Variants in SLC60A2 observed in about 807,000 individuals in gnomAD.
SLC60A2 encodes the protein solute carrier family 60 member 2.
chr6:111,271,028 CTT>C, the SLC60A2 span: 2 of 151,020 alleles, frequency 1.3e-5, no homozygotes, highest in Non-Finnish European at 3.0e-5. Flanking sequence ...AGAGTTATGC[CTT>C]TTTTTTCTGT....
the SLC60A2 span, chr6:111,263,928 A>G: frequency 4.3e-5 from 69 of 1,592,562 alleles, no homozygotes; most frequent in East Asian, 8.9e-5. Flanking sequence ...CGGTGTTTCA[A>G]TTGGCATTCT....
chr6:111,268,526 A>G, the SLC60A2 span: 26 of 152,314 alleles, frequency 1.7e-4, no homozygotes, highest in East Asian at 2.5e-3. Context: ...CTAATATTCT[A>G]TGTTCAAGTG....
chr6:111,265,262 C>G, the SLC60A2 span: 7 of 974,558 alleles, frequency 7.2e-6, no homozygotes, highest in Non-Finnish European at 8.5e-6. Flanking sequence ...CTGAAAATAT[C>G]TGTTGAAAAA....
the SLC60A2 span, among the ~76,000 whole-genome samples, chr6:111,271,784 A>C: frequency 3.0e-5 from 3 of 98,706 alleles, no homozygotes; most frequent in Non-Finnish European, 6.8e-5. Context: ...CTAAAAAAAA[A>C]AAAAAAAAAA....
At chr6:111,263,026 C>T in the SLC60A2 span, among the ~76,000 whole-genome samples, 5 of 152,152 alleles carry the variant, frequency 3.3e-5, no homozygotes, top group African/African-American at 1.2e-4. Flanking sequence ...CAACCTCCCC[C>T]TCCTGGGCTC....
chr6:111,263,904 A>G, the SLC60A2 span: 3 of 1,610,784 alleles, frequency 1.9e-6, no homozygotes, highest in Admixed American at 1.7e-5. Flanking sequence ...ACTCACTGTC[A>G]TGATGTCTAT....
At chr6:111,261,293 A>G in the SLC60A2 span, among the ~76,000 whole-genome samples, 1 of 152,314 alleles carries the variant, frequency 6.6e-6, no homozygotes, top group African/African-American at 2.4e-5. Context: ...TTAACAACAT[A>G]AAAAACAGGA....
chr6:111,265,836 C>G, the SLC60A2 span: 1 of 1,514,214 alleles, frequency 6.6e-7, no homozygotes, highest in South Asian at 1.3e-5. Context: ...AAGTAAGTAA[C>G]TGTTTAACTT....
chr6:111,276,299 T>C, the SLC60A2 span, among the ~76,000 whole-genome samples: 1 of 152,240 alleles, frequency 6.6e-6, no homozygotes, highest in Admixed American at 6.5e-5. Context: ...TAAGTGGAAT[T>C]GCTGGATCTT....
chr6:111,266,202 GCAAGAGCATCTGCTGA>G, the SLC60A2 span: 2 of 1,613,106 alleles, frequency 1.2e-6, no homozygotes, highest in Admixed American at 3.3e-5. Flanking sequence ...GCAAGAAAAA[GCAAGAGCATCTGCTGA>G]GACATTTCGA....
chr6:111,265,446 T>G, the SLC60A2 span: 1 of 958,470 alleles, frequency 1.0e-6, no homozygotes, highest in Non-Finnish European at 1.2e-6. Context: ...AAGTAAGTAA[T>G]TTTCCTCAAG....
At chr6:111,265,800 C>A in the SLC60A2 span, 1 of 1,262,778 alleles carries the variant, frequency 7.9e-7, no homozygotes, top group Non-Finnish European at 1.1e-6. Context: ...CACCCCCTTT[C>A]TGATAAGTGA....
At chr6:111,277,254 C>G in the SLC60A2 span, among the ~76,000 whole-genome samples, 1 of 152,202 alleles carries the variant, frequency 6.6e-6, no homozygotes, top group Non-Finnish European at 1.5e-5. Flanking sequence ...TGGCCTGGTT[C>G]ATCTGCATCA....
At chr6:111,259,805 G>C in the SLC60A2 span, 1 of 1,377,888 alleles carries the variant, frequency 7.3e-7, no homozygotes, top group African/African-American at 1.5e-5. Flanking sequence ...GACCTTGGGC[G>C]CGTTACCTAA....
the SLC60A2 span, among the ~76,000 whole-genome samples, chr6:111,264,815 ACGG>A: frequency 6.6e-6 from 1 of 150,408 alleles, no homozygotes; most frequent in African/African-American, 2.4e-5. Context: ...CTACTAAATA[ACGG>A]CGGGGTGGCT....
At chr6:111,263,760 A>G in the SLC60A2 span, 1 of 778,200 alleles carries the variant, frequency 1.3e-6, no homozygotes, top group Admixed American at 2.0e-5. Flanking sequence ...ATGTTTGGAC[A>G]TTTATGATAT....
At chr6:111,268,086 G>A in the SLC60A2 span, 2 of 152,202 alleles carry the variant, frequency 1.3e-5, no homozygotes, top group East Asian at 3.8e-4. Context: ...TTTAAAGTTT[G>A]TGCAAAATGT....
At chr6:111,259,458 G>A in the SLC60A2 span, 5 of 438,210 alleles carry the variant, frequency 1.1e-5, no homozygotes, top group Non-Finnish European at 8.1e-6. Flanking sequence ...CCTGGGGTCG[G>A]GGCCAGTGCT....
the SLC60A2 span, chr6:111,269,909 C>T: frequency 6.6e-6 from 1 of 152,108 alleles, no homozygotes; most frequent in Non-Finnish European, 1.5e-5. Context: ...ACCAATATAC[C>T]CAAGTGTTCT....
Sources: allele counts gnomAD v4.1 joint callset (sites outside exome capture counted in the v4.1 genomes callset), GRCh38; gene constraint gnomAD v4.1.1; transcripts MANE v1.5; gene names NCBI Gene and HGNC (gene_info 2026-07-23, HGNC 2026-07-21).